AMD1: variants seen among roughly 807,000 people sequenced by gnomAD.
AMD1 encodes the protein adenosylmethionine decarboxylase 1.
In AMD1, 11 loss-of-function variants were observed where a neutral mutation model predicts 40.2. That is an observed-to-expected ratio of 0.27 (90% CI 0.17 to 0.45). The LOEUF is 0.45. AMD1 is among the 20% of genes least tolerant of loss of function. AMD1 has a pLI of 1.00. For synonymous variants in AMD1, 121 were observed against 130.8 expected, an observed-to-expected ratio of 0.93 and a Z score of 0.51; for missense variants, 257 against 410.2, an observed-to-expected ratio of 0.63 and a Z score of 3.23.
the AMD1 span, among the ~76,000 whole-genome samples, chr6:110,835,863 C>T: frequency 2.7e-5 from 4 of 150,596 alleles, no homozygotes; most frequent in Admixed American, 6.7e-5. Context: ...AAGACTCCAT[C>T]CCCCCACCCC....
chr6:110,830,489 A>ACCATTG, the AMD1 span, among the ~76,000 whole-genome samples: 7 of 152,150 alleles, frequency 4.6e-5, no homozygotes, highest in African/African-American at 9.7e-5. Flanking sequence ...ATGGCAGTTT[A>ACCATTG]CCATTGCCAT....
At chr6:110,884,192 A>G (rs1298002689) in intron 1 of AMD1, among the ~76,000 whole-genome samples, 1 of 152,220 alleles carries the variant, frequency 6.6e-6, no homozygotes, top group Non-Finnish European at 1.5e-5. Flanking sequence ...TGGAACCATA[A>G]CACAACCTAG....
At chr6:110,848,013 C>A in the AMD1 span, among the ~76,000 whole-genome samples, 1 of 152,024 alleles carries the variant, frequency 6.6e-6, no homozygotes, top group East Asian at 1.9e-4. Context: ...CGCACCCGGC[C>A]AGCAAATTTC....
At chr6:110,850,764 G>T in the AMD1 span, among the ~76,000 whole-genome samples, 1 of 152,158 alleles carries the variant, frequency 6.6e-6, no homozygotes, top group African/African-American at 2.4e-5. Flanking sequence ...CAGAGCAGCT[G>T]GAGGTAGCTC....
the AMD1 span, among the ~76,000 whole-genome samples, chr6:110,818,111 A>G: frequency 1.3e-5 from 2 of 152,222 alleles, no homozygotes; most frequent in Non-Finnish European, 2.9e-5. Flanking sequence ...TATTTATGTC[A>G]GGGAGAGGTT....
chr6:110,891,994 C>T, intron 4 of AMD1, 167 bp from the exon 5 acceptor site: 1 of 793,368 alleles, frequency 1.3e-6, no homozygotes, highest in African/African-American at 1.7e-5. Flanking sequence ...GCCTCCCTGC[C>T]AAAAGGGGTG....
intron 1 of AMD1, among the ~76,000 whole-genome samples, chr6:110,878,093 A>T (rs1206633995): frequency 6.6e-6 from 1 of 152,224 alleles, no homozygotes; most frequent in East Asian, 1.9e-4. Context: ...TCAGTCAATC[A>T]TCTAGGCCCA....
At chr6:110,889,302 T>TG (rs1785878265) in intron 3 of AMD1, 1 of 179,808 alleles carries the variant, frequency 5.6e-6, no homozygotes. Context: ...AAAAATGTCG[T>TG]TACTGAAATT....
chr6:110,843,695 C>G, the AMD1 span, among the ~76,000 whole-genome samples: 1 of 152,110 alleles, frequency 6.6e-6, no homozygotes, highest in African/African-American at 2.4e-5. Flanking sequence ...CAGGTGGATC[C>G]TTCCACCTCA....
chr6:110,868,258 C>T, the AMD1 span, among the ~76,000 whole-genome samples: 22 of 152,216 alleles, frequency 1.4e-4, no homozygotes, highest in African/African-American at 4.6e-4. Flanking sequence ...TGCCATTCTT[C>T]TGCCTCAGCC....
chr6:110,872,259 G>A (rs1325897446), upstream of AMD1, among the ~76,000 whole-genome samples: 1 of 152,178 alleles, frequency 6.6e-6, no homozygotes, highest in Non-Finnish European at 1.5e-5. Flanking sequence ...TTGCTGTTAA[G>A]GGAAGCAGAG....
upstream of AMD1, chr6:110,874,746 A>G: frequency 5.9e-6 from 1 of 168,786 alleles, no homozygotes; most frequent in Non-Finnish European, 1.3e-5. Flanking sequence ...TTTTGGGGGG[A>G]GCCGGGATAT....
chr6:110,835,543 G>A, the AMD1 span, among the ~76,000 whole-genome samples: 4 of 152,092 alleles, frequency 2.6e-5, no homozygotes, highest in African/African-American at 9.7e-5. Flanking sequence ...GAGTCATGCA[G>A]ATCTTCCAAA....
At chr6:110,826,271 CA>C in the AMD1 span, among the ~76,000 whole-genome samples, 7,087 of 59,376 alleles carry the variant, frequency 0.12, 93 homozygotes, top group East Asian at 0.31. Context: ...GACACCATCC[CA>C]AAAAAAAAAA....
Position 110,892,336 on chromosome 6 carries a change from A to G in AMD1, c.508A>G (p.Ile170Val), listed in dbSNP as rs1419167277. ...TCTGGATTTCCCAGAGAGTCGGGTAATCAGTCAGCCAGATCAAACCTTGGA... is the reference window on the plus strand; with the variant it reads ...TCTGGATTTCCCAGAGAGTCGGGTAGTCAGTCAGCCAGATCAAACCTTGGA... ...YTLDFPESRV[I>V]SQPDQTLEIL... The change falls in exon 6 of 9, where the codon ATC becomes GTC. Residue 170 changes from isoleucine to valine, a missense_variant. This residue lies in a region of AMD1 where 192 missense variants were observed against 296.5 expected (regional missense o/e 0.65). Coordinates refer to ENST00000368885, the MANE Select transcript of AMD1 (RefSeq NM_001634.6). 5.0e-6 allele frequency: 8 copies of G among 1,613,568 alleles called. No individual in the cohort carries two copies. Among genetic ancestry groups the G allele is most frequent in the South Asian group, 2.2e-5 (2 of 91,060 alleles).
the AMD1 span, among the ~76,000 whole-genome samples, chr6:110,865,143 C>G: frequency 6.6e-6 from 1 of 152,194 alleles, no homozygotes; most frequent in Non-Finnish European, 1.5e-5. Context: ...AGTTCTTCCT[C>G]TCAGTGTGAA....
chr6:110,829,811 A>C, the AMD1 span, among the ~76,000 whole-genome samples: 1 of 151,960 alleles, frequency 6.6e-6, no homozygotes. Flanking sequence ...GCGCCACTGC[A>C]CTCTAGCCTG....
At chr6:110,818,689 T>C in the AMD1 span, among the ~76,000 whole-genome samples, 1 of 152,182 alleles carries the variant, frequency 6.6e-6, no homozygotes, top group African/African-American at 2.4e-5. Flanking sequence ...TACAGGCATG[T>C]GCCACCAAGC....
the AMD1 span, among the ~76,000 whole-genome samples, chr6:110,853,283 C>G: frequency 1.3e-5 from 2 of 150,252 alleles, no homozygotes; most frequent in African/African-American, 2.4e-5. Context: ...CTACCATGTT[C>G]AGCGAATTTT....
Sources: allele counts gnomAD v4.1 joint callset (sites outside exome capture counted in the v4.1 genomes callset), GRCh38; gene constraint gnomAD v4.1.1; regional missense constraint gnomAD v4.1.1; transcripts MANE v1.5; gene names NCBI Gene and HGNC (gene_info 2026-07-23, HGNC 2026-07-21).